Variants in KANK4 observed in about 807,000 individuals in gnomAD.
KANK4 encodes KN motif and ankyrin repeat domain-containing protein 4.
A neutral mutation model predicts 80.8 loss-of-function variants in KANK4; 50 were observed. That is an observed-to-expected ratio of 0.62 (90% CI 0.49 to 0.78). The LOEUF (loss-of-function observed/expected upper bound fraction) is 0.78, where lower values mean the gene tolerates loss of function less well. Ranked by LOEUF, KANK4 falls within the 30% of genes least tolerant of loss-of-function variation. KANK4 has a pLI of 0.00. For missense variants in KANK4, 1,196 were observed against 1,240.1 expected, an observed-to-expected ratio of 0.96 and a Z score of 0.53; for synonymous variants, 465 against 506.9, an observed-to-expected ratio of 0.92 and a Z score of 1.11.
intron 2 of KANK4, among the ~76,000 whole-genome samples, chr1:62,278,405 T>TCTC (rs1672373790): frequency 8.2e-6 from 1 of 121,258 alleles, no homozygotes; most frequent in African/African-American, 4.0e-5. Flanking sequence ...TTCTTTTTTT[T>TCTC]TTTTGAGATG....
At chr1:62,288,189 A>C (rs1458965250) in intron 1 of KANK4, among the ~76,000 whole-genome samples, 1 of 152,118 alleles carries the variant, frequency 6.6e-6, no homozygotes, top group Non-Finnish European at 1.5e-5. Flanking sequence ...ATGTTTATCC[A>C]CAAGAACTTT....
In KANK4 at chr1:62,268,338, GCATGGCAGGTGCC is replaced by G; in HGVS notation, c.2167_2179del (p.Gly723LeufsTer32). 1 of 1,613,996 alleles carries G rather than the reference GCATGGCAGGTGCC, an allele frequency of 6.2e-7. No homozygotes were observed. Among genetic ancestry groups the G allele is most frequent in the Non-Finnish European group, 8.5e-7 (1 of 1,179,978 alleles). ...TTCCCCAGGCCCACTTTCCTGGGCA[GCATGGCAGGTGCC>G]CTCAGGGATGCCCTGCCCAGCCTCG... is the stretch of plus-strand genomic sequence containing the variant. On this transcript the variant is annotated frameshift_variant, in exon 5 of 10. Transcript: ENST00000371153. LOFTEE classifies it high-confidence loss of function.
intron 8 of KANK4, among the ~76,000 whole-genome samples, chr1:62,250,189 T>C (rs1468286011): frequency 6.6e-6 from 1 of 151,978 alleles, no homozygotes; most frequent in East Asian, 1.9e-4. Flanking sequence ...GGTTTCACCA[T>C]GTTGGCCAGG....
chr1:62,308,189 C>T (rs1241430879), intron 1 of KANK4, among the ~76,000 whole-genome samples: 2 of 152,180 alleles, frequency 1.3e-5, no homozygotes, highest in East Asian at 1.9e-4. Context: ...ATGATTCAGG[C>T]TCTGCTTTGG....
chr1:62,297,670 T>C (rs558326462), intron 1 of KANK4, among the ~76,000 whole-genome samples: 1 of 152,190 alleles, frequency 6.6e-6, no homozygotes, highest in South Asian at 2.1e-4. Flanking sequence ...ATAAACATGG[T>C]TGGGGACACG....
chr1:62,299,502 A>G (rs1644394414), intron 1 of KANK4, among the ~76,000 whole-genome samples: 1 of 152,160 alleles, frequency 6.6e-6, no homozygotes. Flanking sequence ...GAGAATGGGC[A>G]GCAGCAGACA....
chr1:62,315,561 C>G (rs1446005831), intron 1 of KANK4, among the ~76,000 whole-genome samples: 6 of 152,072 alleles, frequency 3.9e-5, no homozygotes, highest in African/African-American at 1.2e-4. Context: ...ACGCCATCAT[C>G]CAGAAATTGG....
In KANK4 at chr1:62,274,558, C is replaced by G. The variant is rs778058499; in HGVS notation, c.546G>C (p.Leu182=). The part of the protein sequence containing the change: ...SRASEEPGLS[L]GPPAPPALPP... ...GGAGGGCAGGAGGGGCAGGGGGCCC[C>G]AGGCTCAGGCCTGGCTCCTCAGAAG... The change falls in exon 3 of 10, where the codon CTG becomes CTC. Residue 182 remains leucine (L), a synonymous_variant. Transcript: ENST00000371153. 2 of 1,614,020 alleles carry G rather than the reference C, an allele frequency of 1.2e-6. No homozygotes were observed. Among genetic ancestry groups the G allele is most frequent in the South Asian group, 2.2e-5 (2 of 91,072 alleles).
chr1:62,302,802 T>C (rs188303606), intron 1 of KANK4, among the ~76,000 whole-genome samples: 29 of 152,226 alleles, frequency 1.9e-4, no homozygotes, highest in Middle Eastern at 6.8e-3. Context: ...TGGTAGTTTG[T>C]AATAGCAACC....
chr1:62,301,748 T>G (rs1049045192), intron 1 of KANK4, among the ~76,000 whole-genome samples: 1 of 152,032 alleles, frequency 6.6e-6, no homozygotes, highest in South Asian at 2.1e-4. Flanking sequence ...GGATGAGGTA[T>G]GTAAAATGCT....
Position 62,247,460 on chromosome 1 carries a change from TGTAA to T in KANK4, c.2883+8_2883+11del. 2 of 1,613,268 alleles carry T rather than the reference TGTAA, an allele frequency of 1.2e-6. No homozygotes were observed. The highest frequency in any genetic ancestry group is 1.7e-5 in the Admixed American group (1 of 60,014). The stretch of plus-strand genomic sequence containing the variant: ...CAGCAACAGCTACTTGTTAATTGCC[TGTAA>T]GTCTCACCTTGTCAGTCAGGCTGCT... On this transcript the variant is annotated splice_region_variant and intron_variant, in intron 9 of 9. Transcript: ENST00000371153.
chr1:62,293,088 G>A (rs1310292543), intron 1 of KANK4, among the ~76,000 whole-genome samples: 9 of 151,156 alleles, frequency 6.0e-5, no homozygotes, highest in African/African-American at 2.2e-4. Context: ...GTGTGTGTGT[G>A]TGTGTGTGTG....
intron 1 of KANK4, among the ~76,000 whole-genome samples, chr1:62,308,257 C>G (rs1356809496): frequency 6.6e-6 from 1 of 152,202 alleles, no homozygotes; most frequent in Non-Finnish European, 1.5e-5. Flanking sequence ...CAGAGGCTAA[C>G]AGGAAAGCCG....
At chr1:62,300,205 TC>T (rs968268412) in intron 1 of KANK4, among the ~76,000 whole-genome samples, 2 of 152,128 alleles carry the variant, frequency 1.3e-5, no homozygotes, top group African/African-American at 4.8e-5. Context: ...TGAGTCCCCT[TC>T]ACTGGCCACA....
chr1:62,258,006 A>G (rs1251705100), intron 7 of KANK4, among the ~76,000 whole-genome samples: 1 of 152,158 alleles, frequency 6.6e-6, no homozygotes, highest in Non-Finnish European at 1.5e-5. Context: ...TCATGCACAT[A>G]ATGGATGTTC....
intron 7 of KANK4, among the ~76,000 whole-genome samples, chr1:62,255,622 C>T (rs1163512262): frequency 6.6e-6 from 1 of 151,586 alleles, no homozygotes; most frequent in Middle Eastern, 3.2e-3. Flanking sequence ...AACAACACAA[C>T]CTACCTTATA....
chr1:62,288,835 C>T (rs1373390026), intron 1 of KANK4, among the ~76,000 whole-genome samples: 2 of 152,064 alleles, frequency 1.3e-5, no homozygotes, highest in Admixed American at 6.5e-5. Context: ...TTAAACATAC[C>T]GTAAAATCAA....
intron 1 of KANK4, among the ~76,000 whole-genome samples, chr1:62,317,442 C>T (rs1051064714): frequency 1.3e-5 from 2 of 152,206 alleles, no homozygotes; most frequent in African/African-American, 4.8e-5. Context: ...CTCTCCTTCT[C>T]CCCACACTAT....
intron 7 of KANK4, 60 bp downstream of exon 7, chr1:62,263,032 T>C (rs1232379446): frequency 3.0e-6 from 4 of 1,313,212 alleles, no homozygotes; most frequent in Non-Finnish European, 4.3e-6. Flanking sequence ...AAAAAAATTT[T>C]AAAAATTGCC....
Sources: allele counts gnomAD v4.1 joint callset (sites outside exome capture counted in the v4.1 genomes callset), GRCh38; gene constraint gnomAD v4.1.1; transcripts MANE v1.5; gene names NCBI Gene and HGNC (gene_info 2026-07-23, HGNC 2026-07-21).